Variants in SMARCA2 observed in about 807,000 individuals in gnomAD.
SMARCA2 encodes SWI/SNF-related matrix-associated actin-dependent regulator of chromatin subfamily A member 2.
SMARCA2 carries 61 observed loss-of-function variants against 199.8 expected under a neutral mutation model. The observed-to-expected ratio is 0.31, with a 90% CI of 0.25 to 0.38. SMARCA2 has a LOEUF of 0.38. Ranked by LOEUF, SMARCA2 falls within the 10% of genes least tolerant of loss-of-function variation. The probability of loss-of-function intolerance (pLI) is 1.00; values close to 1 mark genes in which losing one functional copy is unlikely to be tolerated. For missense variants in SMARCA2, 1,344 were observed against 2,012.2 expected, an observed-to-expected ratio of 0.67 and a Z score of 6.35; for synonymous variants, 935 against 732.0, an observed-to-expected ratio of 1.28 and a Z score of -4.48.
At chr9:2,159,949 G>C (rs758829201) in intron 27 of SMARCA2, 1 of 1,583,944 alleles carries the variant, frequency 6.3e-7, no homozygotes, top group South Asian at 1.1e-5. Context: ...AGATTCAGTA[G>C]AACTACATCC....
intron 8 of SMARCA2, among the ~76,000 whole-genome samples, chr9:2,060,490 A>T (rs972703267): frequency 2.0e-5 from 3 of 152,234 alleles, no homozygotes; most frequent in Non-Finnish European, 2.9e-5. Context: ...TAGATCATGA[A>T]TTGTCAAATT....
rs140694967 is a variant in SMARCA2, at chr9:2,137,897, G to C, written c.3981+13960G>C. 2.6e-5 allele frequency among the ~76,000 whole-genome samples: 4 copies of C among 152,312 alleles called. No homozygotes were observed. In the East Asian group the frequency reaches 7.7e-4, roughly 29 times the overall value. On this transcript the variant is annotated intron_variant, in intron 27 of 33. Coordinates refer to ENST00000349721, the MANE Select transcript of SMARCA2 (RefSeq NM_003070.5). Reference sequence around the variant, plus strand: ...TTTGTAACTAAGATGAGTCAAGGTAGAAATTGTCATTCTCTCCTGTTAGAT... The same window carrying C: ...TTTGTAACTAAGATGAGTCAAGGTACAAATTGTCATTCTCTCCTGTTAGAT...
Position 2,077,715 on chromosome 9 carries a change from T to C in SMARCA2, c.2123T>C (p.Ile708Thr). The C allele has an allele frequency of 6.2e-7, 1 of 1,614,094 alleles. No homozygotes were observed. Among genetic ancestry groups the C allele is most frequent in the Non-Finnish European group, 8.5e-7 (1 of 1,179,974 alleles). ...SQSYYTVAHA[I>T]SERVEKQSAL... Reference sequence around the variant, plus strand: ...TCCTACTACACCGTGGCTCATGCCATCTCGGAGAGGGTGGAGAAACAGTCT... The same window carrying C: ...TCCTACTACACCGTGGCTCATGCCACCTCGGAGAGGGTGGAGAAACAGTCT... The change falls in exon 14 of 34, where the codon ATC (isoleucine) becomes ACC (threonine). Residue 708 changes from isoleucine to threonine, a missense_variant. This residue lies in a region of SMARCA2 where 106 missense variants were observed against 179.7 expected (regional missense o/e 0.59). Transcript: ENST00000349721.
At chr9:2,168,124 G>A (rs1826031662) in intron 28 of SMARCA2, among the ~76,000 whole-genome samples, 1 of 150,070 alleles carries the variant, frequency 6.7e-6, no homozygotes, top group Non-Finnish European at 1.5e-5. Flanking sequence ...CAATTCTCCT[G>A]CCTCAGCCTC....
At position 2,070,562 on chromosome 9, in the gene SMARCA2, C is replaced by T. The variant is rs191681994; in HGVS notation, c.1746+91C>T. ...CATTCTTCATGCATACTATTTTATT[C>T]TTACTGTGCTATTTATTTTAAGTAA... On this transcript the variant is annotated intron_variant, in intron 10 of 33. Transcript: ENST00000349721. The T allele has an allele frequency of 6.8e-4, 590 of 866,596 alleles. 1 individual carries two copies. In the African/African-American group the frequency reaches 8.5e-3, roughly 12 times the overall value. 53.7% of individuals were successfully genotyped at this position (866,596 alleles called of 1,614,324 possible). A position where few individuals can be genotyped will look rare whatever the true frequency, so the allele number is the denominator to read the frequency against.
intron 12 of SMARCA2, 53 bp from the exon 13 acceptor site, chr9:2,076,176 A>T (rs1821316076): frequency 3.1e-6 from 3 of 977,652 alleles, no homozygotes; most frequent in Admixed American, 3.6e-5. Context: ...TGTCAATCAT[A>T]GAGATTTCCT....
intron 4 of SMARCA2, chr9:2,044,815 T>C (rs1463739022): frequency 1.3e-5 from 2 of 152,216 alleles, no homozygotes; most frequent in East Asian, 3.8e-4. Context: ...AATATGTAAG[T>C]AGATGTTTGA....
intron 24 of SMARCA2, among the ~76,000 whole-genome samples, chr9:2,112,786 A>T (rs185590358): frequency 1.3e-5 from 2 of 152,346 alleles, no homozygotes; most frequent in African/African-American, 4.8e-5. Context: ...CTTTTTCAGG[A>T]ATCAGTGATT....
intron 9 of SMARCA2, among the ~76,000 whole-genome samples, chr9:2,062,861 T>C (rs1171042185): frequency 1.3e-5 from 2 of 152,184 alleles, no homozygotes; most frequent in East Asian, 1.9e-4. Flanking sequence ...TAGACAGATA[T>C]TAATCCAACA....
intron 19 of SMARCA2, among the ~76,000 whole-genome samples, chr9:2,091,765 C>T (rs1271819780): frequency 1.3e-5 from 2 of 152,122 alleles, no homozygotes; most frequent in Admixed American, 6.5e-5. Flanking sequence ...TTAGTGCTTG[C>T]TATTGTCAGT....
chr9:2,140,087 C>A (rs796558247), intron 27 of SMARCA2, among the ~76,000 whole-genome samples: 3 of 152,278 alleles, frequency 2.0e-5, no homozygotes, highest in African/African-American at 7.2e-5. Flanking sequence ...ACTTTCCTTG[C>A]AAATTAGTTG....
chr9:2,128,634 A>C (rs1181868049), intron 27 of SMARCA2, among the ~76,000 whole-genome samples: 4 of 152,228 alleles, frequency 2.6e-5, no homozygotes, highest in Non-Finnish European at 5.9e-5. Flanking sequence ...AAAATGTCTT[A>C]AGTTTGCAAA....
Position 2,170,277 on chromosome 9 carries a change from A to T in SMARCA2, c.4200-142A>T. 1.0e-6 allele frequency: 1 copy of T among 992,528 alleles called. No homozygotes were observed. The highest frequency in any genetic ancestry group is 1.5e-6 in the Non-Finnish European group (1 of 677,560). 61.5% of individuals were successfully genotyped at this position (992,528 alleles called of 1,614,324 possible). On this transcript the variant is annotated intron_variant, in intron 28 of 33. Transcript: ENST00000349721. The surrounding 1 kb of genome is among the most constrained non-coding windows in gnomAD (Gnocchi z 4.7). The stretch of plus-strand genomic sequence containing the variant: ...TATTTTTCCGAATGAGGTTCCAAAC[A>T]TAACCCCGTGTAATCTTCCTAACAA...
chr9:2,134,123 G>A (rs575015503), intron 27 of SMARCA2, among the ~76,000 whole-genome samples: 1 of 152,280 alleles, frequency 6.6e-6, no homozygotes, highest in African/African-American at 2.4e-5. Context: ...AAGACCTAAT[G>A]GATAATAGAA....
At chr9:2,140,471 A>G (rs1824408864) in intron 27 of SMARCA2, among the ~76,000 whole-genome samples, 3 of 152,150 alleles carry the variant, frequency 2.0e-5, no homozygotes, top group African/African-American at 7.2e-5. Context: ...ATATATTTTT[A>G]TTTGCCACCA....
intron 33 of SMARCA2, 115 bp downstream of exon 33, chr9:2,191,523 C>G (rs1827884702): frequency 1.7e-6 from 2 of 1,144,066 alleles, no homozygotes; most frequent in Non-Finnish European, 1.3e-6. Context: ...CTGGAAATGT[C>G]AGGATTTAGT....
Position 2,077,744 on chromosome 9 carries a change from C to G in SMARCA2, c.2152C>G (p.Leu718Val). 1.2e-6 allele frequency: 2 copies of G among 1,613,424 alleles called. No homozygotes were observed. The highest frequency in any genetic ancestry group is 1.7e-6 in the Non-Finnish European group (2 of 1,179,706). The change falls in exon 14 of 34, where the codon CTC becomes GTC. Residue 718 changes from leucine (L) to valine (V), a missense_variant. Transcript: ENST00000349721. ...ISERVEKQSA[L>V]LINGTLKHYQ... ...GGAGAGGGTGGAGAAACAGTCTGCC[C>G]TCCTAATTAATGGGACCCTAAAGCA...
chr9:2,090,401 T>G (rs1822001634), intron 19 of SMARCA2, among the ~76,000 whole-genome samples: 1 of 152,052 alleles, frequency 6.6e-6, no homozygotes, highest in African/African-American at 2.4e-5. Context: ...TTTGGTGGAG[T>G]GGAAATCATG....
intron 5 of SMARCA2, among the ~76,000 whole-genome samples, chr9:2,053,773 T>G (rs1346359648): frequency 6.6e-6 from 1 of 152,212 alleles, no homozygotes; most frequent in Non-Finnish European, 1.5e-5. Flanking sequence ...AGGTGAACTC[T>G]AAAACCAGCA....
Sources: gnomAD v4.1 joint callset for allele counts (sites outside exome capture counted in the v4.1 genomes callset) on GRCh38, gnomAD v4.1.1 for gene constraint, gnomAD v4.1.1 regional missense constraint, Gnocchi (gnomAD v3.1) non-coding constraint, MANE v1.5 for transcripts, NCBI Gene and HGNC (gene_info 2026-07-23, HGNC 2026-07-21) for gene names.